The following MYO3B variants were observed in gnomAD, a reference collection of about 807,000 sequenced individuals.
MYO3B encodes myosin IIIB, also known as myosin-IIIb.
A neutral mutation model predicts 174.6 loss-of-function variants in MYO3B; 156 were observed. The observed-to-expected ratio is 0.89, with a 90% CI of 0.78 to 1.02. The LOEUF (loss-of-function observed/expected upper bound fraction) is 1.02, where lower values mean the gene tolerates loss of function less well. MYO3B is among the 50% of genes least tolerant of loss of function. MYO3B has a pLI of 0.00. For synonymous variants in MYO3B, 563 were observed against 569.1 expected (o/e 0.99, Z 0.15); for missense variants, 1,632 against 1,639.4 (o/e 1.00, Z 0.08).
At chr2:170,559,044 C>G (rs1200285065) in intron 32 of MYO3B, among the ~76,000 whole-genome samples, 2 of 152,192 alleles carry the variant, frequency 1.3e-5, no homozygotes, top group African/African-American at 4.8e-5. Flanking sequence ...AGGAAGTTTT[C>G]TACAGAGTTA....
In MYO3B at chr2:170,432,344, A is replaced by G. The variant is rs149845889; in HGVS notation, c.2651-11623A>G. ...TGAAACTGTGTAGGCTTCAGCTAGT[A>G]TGGGTGTTAGTGTCTTTGTTTTTAA... On this transcript the variant is annotated intron_variant, in intron 22 of 34. Transcript: ENST00000408978. Among the ~76,000 whole-genome samples, 4 of 152,228 alleles carry G rather than the reference A, an allele frequency of 2.6e-5. No homozygotes were observed. The East Asian group carries it at 7.7e-4, about 29-fold the overall frequency.
At chr2:170,626,917 A>G (rs562704353) in intron 32 of MYO3B, among the ~76,000 whole-genome samples, 28 of 151,160 alleles carry the variant, frequency 1.9e-4, no homozygotes, top group South Asian at 1.3e-3. Context: ...TGAGAGATCC[A>G]CTGTTAGTCT....
intron 14 of MYO3B, 21 bp downstream of exon 14, chr2:170,387,329 CTG>C (rs1163920059): frequency 6.2e-7 from 1 of 1,609,702 alleles, no homozygotes; most frequent in Non-Finnish European, 8.5e-7. Context: ...TACTTTATCA[CTG>C]TGTTTTTGCC....
At chr2:170,314,882 C>G (rs2093764134) in intron 7 of MYO3B, among the ~76,000 whole-genome samples, 1 of 152,156 alleles carries the variant, frequency 6.6e-6, no homozygotes. Flanking sequence ...TGTTGTATTT[C>G]TTACTCAGCA....
chr2:170,369,542 G>C (rs900061950), intron 9 of MYO3B, among the ~76,000 whole-genome samples, 165 bp downstream of exon 9: 30 of 152,190 alleles, frequency 2.0e-4, no homozygotes, highest in African/African-American at 7.2e-4. Context: ...ATGAGAGCAG[G>C]AGAACTTCAG....
At chr2:170,357,683 A>G (rs1469559865) in intron 8 of MYO3B, among the ~76,000 whole-genome samples, 1 of 152,152 alleles carries the variant, frequency 6.6e-6, no homozygotes, top group Non-Finnish European at 1.5e-5. Flanking sequence ...TAAAATTTGC[A>G]TACGTTGGTA....
rs11903730 is a variant in MYO3B at position 170,573,234 on chromosome 2, T to A, written c.3733+29246T>A. Among the ~76,000 whole-genome samples the A allele has an allele frequency of 2.8e-3, 78 of 27,812 alleles. 1 individual carries two copies. The highest frequency in any genetic ancestry group is 0.017 in the Middle Eastern group (1 of 60). 18.2% of individuals were successfully genotyped at this position (27,812 alleles called of 152,430 possible). A position where few individuals can be genotyped will look rare whatever the true frequency, so the allele number is the denominator to read the frequency against. ...CATATATGTATACTGTGTGTATATATATATATATATATATATGTATGCTAT... is the reference window on the plus strand; with the variant it reads ...CATATATGTATACTGTGTGTATATAAATATATATATATATATGTATGCTAT... On this transcript the variant is annotated intron_variant, in intron 32 of 34. Transcript: ENST00000408978.
intron 7 of MYO3B, chr2:170,334,237 A>T (rs530320819): frequency 6.6e-6 from 1 of 152,240 alleles, no homozygotes; most frequent in Non-Finnish European, 1.5e-5. Flanking sequence ...CATTGACTAG[A>T]ACTTGATCAC....
chr2:170,349,257 G>A (rs13015104), intron 8 of MYO3B, among the ~76,000 whole-genome samples: 76,479 of 151,972 alleles, frequency 0.5, 21,134 homozygotes, highest in East Asian at 0.66. Context: ...TTTTATGTCA[G>A]CGTTGTGCCT....
chr2:170,312,969 ATGGTGTTTT>A (rs2093749958), intron 7 of MYO3B, among the ~76,000 whole-genome samples: 1 of 152,220 alleles, frequency 6.6e-6, no homozygotes, highest in Non-Finnish European at 1.5e-5. Context: ...TGATATAATC[ATGGTGTTTT>A]ATTTTCTTAA....
intron 1 of MYO3B, among the ~76,000 whole-genome samples, chr2:170,193,275 T>C (rs2092561418): frequency 6.6e-6 from 1 of 152,104 alleles, no homozygotes; most frequent in Admixed American, 6.5e-5. Context: ...AATTGCTCAA[T>C]TACTATTGTT....
chr2:170,236,596 C>A (rs1026940663), intron 7 of MYO3B, among the ~76,000 whole-genome samples: 4 of 152,104 alleles, frequency 2.6e-5, no homozygotes, highest in Non-Finnish European at 5.9e-5. Flanking sequence ...ACTCTCCATC[C>A]CTTAATTTCC....
chr2:170,489,345 A>T (rs1206975718), intron 25 of MYO3B, among the ~76,000 whole-genome samples: 2 of 152,126 alleles, frequency 1.3e-5, no homozygotes, highest in East Asian at 3.8e-4. Flanking sequence ...GGCAGGGAAG[A>T]TCTGTTTGTG....
chr2:170,532,156 G>A (rs1220320222), intron 30 of MYO3B, among the ~76,000 whole-genome samples: 1 of 152,178 alleles, frequency 6.6e-6, no homozygotes, highest in East Asian at 1.9e-4. Context: ...CACTTTTGTG[G>A]ATTTCTTGCC....
At chr2:170,240,371 G>A (rs893973155) in intron 7 of MYO3B, among the ~76,000 whole-genome samples, 1 of 152,178 alleles carries the variant, frequency 6.6e-6, no homozygotes, top group Admixed American at 6.5e-5. Context: ...ACAGTGTTCT[G>A]TGTTTTAGAA....
Position 170,280,023 on chromosome 2 carries a change from TA to T in MYO3B, c.749+43888del, listed in dbSNP as rs528701020. On this transcript the variant is annotated intron_variant, in intron 7 of 34. Coordinates refer to ENST00000408978, the MANE Select transcript of MYO3B (RefSeq NM_138995.5). ...GTTGAATGGTAGTTCTGCTTTTAGC[TA>T]TTTAAGGAATAACCATACTGCTTTC... Among the ~76,000 whole-genome samples, 66 of 152,324 alleles carry T rather than the reference TA, an allele frequency of 4.3e-4. 1 individual carries two copies. The East Asian group carries it at 0.011, about 25-fold the overall frequency.
At chr2:170,281,923 A>T (rs1319104654) in intron 7 of MYO3B, among the ~76,000 whole-genome samples, 1 of 152,188 alleles carries the variant, frequency 6.6e-6, no homozygotes, top group Non-Finnish European at 1.5e-5. Flanking sequence ...AACCATCAGA[A>T]ACTACTACAA....
intron 8 of MYO3B, among the ~76,000 whole-genome samples, chr2:170,356,782 TAAAAAAATG>T: frequency 6.6e-6 from 1 of 152,196 alleles, no homozygotes; most frequent in East Asian, 1.9e-4. Context: ...TTTTTATCTT[TAAAAAAATG>T]TTTTAAGACA....
At chr2:170,503,103 A>C (rs1471896661) in intron 28 of MYO3B, among the ~76,000 whole-genome samples, 3 of 152,226 alleles carry the variant, frequency 2.0e-5, no homozygotes, top group Admixed American at 1.3e-4. Flanking sequence ...ACAATCTCTC[A>C]TTAAAACAGG....
Sources: gnomAD v4.1 joint callset for allele counts (sites outside exome capture counted in the v4.1 genomes callset) on GRCh38, gnomAD v4.1.1 for gene constraint, MANE v1.5 for transcripts, NCBI Gene and HGNC (gene_info 2026-07-23, HGNC 2026-07-21) for gene names.